LNX2: variants seen among roughly 807,000 people sequenced by gnomAD.
LNX2 encodes ligand of Numb protein X 2.
A neutral mutation model predicts 66.2 loss-of-function variants in LNX2; 35 were observed. The observed-to-expected ratio is 0.53, with a 90% CI of 0.40 to 0.70. The LOEUF is 0.70. Ranked by LOEUF, LNX2 falls within the 30% of genes least tolerant of loss-of-function variation. LNX2 has a pLI of 0.00. For synonymous variants in LNX2, 337 were observed against 315.6 expected (o/e 1.07, Z -0.72); for missense variants, 791 against 850.8 (o/e 0.93, Z 0.87).
chr13:27,598,670 G>A (rs1477960181), intron 1 of LNX2, among the ~76,000 whole-genome samples: 1 of 152,140 alleles, frequency 6.6e-6, no homozygotes, highest in Non-Finnish European at 1.5e-5. Context: ...TAAAGCTAGT[G>A]AGGGATGGAA....
At chr13:27,576,200 CAAAG>C (rs1955338525) in intron 2 of LNX2, among the ~76,000 whole-genome samples, 2 of 152,200 alleles carry the variant, frequency 1.3e-5, no homozygotes, top group African/African-American at 4.8e-5. Context: ...TAAAAAATGA[CAAAG>C]AGAGAAATAG....
chr13:27,603,643 T>C (rs1309284759), intron 1 of LNX2, among the ~76,000 whole-genome samples: 1 of 152,032 alleles, frequency 6.6e-6, no homozygotes, highest in African/African-American at 2.4e-5. Flanking sequence ...AGATAAACAG[T>C]TTCATGGTCA....
In LNX2 at chr13:27,593,654, G is replaced by A. The variant is rs551845729; in HGVS notation, c.-100-11851C>T. Among the ~76,000 whole-genome samples the A allele has an allele frequency of 4.9e-5, 7 of 142,160 alleles. No individual in the cohort carries two copies. In the South Asian group the frequency reaches 1.1e-3, roughly 23 times the overall value. 93.3% of individuals were successfully genotyped at this position (142,160 alleles called of 152,430 possible). ...GCAATCCTGGCTCACTGCAACCTCCGCCTCCTGGGTTCAAGCGATTCTCCT... is the reference window on the plus strand; with the variant it reads ...GCAATCCTGGCTCACTGCAACCTCCACCTCCTGGGTTCAAGCGATTCTCCT... On this transcript the variant is annotated intron_variant, in intron 1 of 9. Transcript: ENST00000316334.
At chr13:27,600,476 G>C (rs1955644991) in intron 1 of LNX2, among the ~76,000 whole-genome samples, 1 of 152,100 alleles carries the variant, frequency 6.6e-6, no homozygotes, top group South Asian at 2.1e-4. Flanking sequence ...ATATGGTACA[G>C]AAACATAACC....
chr13:27,609,245 C>T (rs833090), intron 1 of LNX2, among the ~76,000 whole-genome samples: 78,166 of 151,118 alleles, frequency 0.52, 21,447 homozygotes, highest in South Asian at 0.63. Flanking sequence ...CTCCGCCTCC[C>T]GGATTCAAGC....
intron 1 of LNX2, among the ~76,000 whole-genome samples, chr13:27,604,588 AT>A (rs1031582524): frequency 1.3e-5 from 2 of 152,130 alleles, no homozygotes; most frequent in African/African-American, 4.8e-5. Flanking sequence ...GGTAGAAGAG[AT>A]TACACACTTT....
intron 3 of LNX2, among the ~76,000 whole-genome samples, 157 bp downstream of exon 3, chr13:27,568,872 A>G (rs1182536718): frequency 6.6e-6 from 1 of 152,242 alleles, no homozygotes; most frequent in Non-Finnish European, 1.5e-5. Context: ...AAAAGGGTGA[A>G]TGATGTATAT....
chr13:27,574,619 A>G (rs537078387), intron 2 of LNX2, among the ~76,000 whole-genome samples: 1 of 152,286 alleles, frequency 6.6e-6, no homozygotes, highest in South Asian at 2.1e-4. Context: ...AAAAGGAGAG[A>G]GAGTGAAAGG....
chr13:27,573,611 G>GT (rs1485138780), intron 2 of LNX2, among the ~76,000 whole-genome samples: 6 of 150,874 alleles, frequency 4.0e-5, no homozygotes, highest in Non-Finnish European at 7.4e-5. Flanking sequence ...TGTCAGTGGC[G>GT]TGAGTGTTGA....
At chr13:27,565,518 C>T (rs1955193877) in intron 4 of LNX2, among the ~76,000 whole-genome samples, 1 of 152,138 alleles carries the variant, frequency 6.6e-6, no homozygotes, top group South Asian at 2.1e-4. Flanking sequence ...AAAATCAAGT[C>T]AGGAGCTAGG....
chr13:27,556,240 C>T lies in LNX2; in HGVS notation c.1542G>A (p.Lys514=). ...HGCLARDGRI[K]RGDVLLNING... is the part of the protein sequence containing the mutation. ...TTTTTCAAGATCCCATCTTACCTCT[C>T]TTTATTCTGCCATCTCGTGCAAGGC... Residue 514 remains lysine, a synonymous_variant, in exon 7 of 10, where the codon AAG becomes AAA. Transcript: ENST00000316334. The T allele has an allele frequency of 6.2e-7, 1 of 1,613,038 alleles. No homozygotes were observed.
chr13:27,619,337 GGGT>G (rs1195498626), intron 1 of LNX2, among the ~76,000 whole-genome samples: 1 of 151,650 alleles, frequency 6.6e-6, no homozygotes, highest in African/African-American at 2.4e-5. Context: ...AGAGGTGTGG[GGGT>G]GGGAATCAAA....
intron 6 of LNX2, 116 bp downstream of exon 6, chr13:27,559,726 T>TA (rs1226732069): frequency 1.2e-5 from 12 of 1,023,978 alleles, no homozygotes; most frequent in African/African-American, 1.7e-5. Flanking sequence ...ATCTTTTTTT[T>TA]AAAAAAACTG....
rs769170997 is a variant in LNX2 at position 27,567,802 on chromosome 13, G to T, written c.693C>A (p.Ile231=). 4 of 1,614,052 alleles carry T rather than the reference G, an allele frequency of 2.5e-6. No homozygotes were observed. The highest frequency in any genetic ancestry group is 3.4e-6 in the Non-Finnish European group (4 of 1,179,986). Residue 231 remains isoleucine (I), a synonymous_variant, in exon 4 of 10, where the codon ATC becomes ATA. Coordinates refer to ENST00000316334, the MANE Select transcript of LNX2 (RefSeq NM_153371.4). ...TGGACCGATGAATTTCAATCGTGGT[G>T]ATTTCTCCTTCTGGTAAACTAAGTG... ...QQPLSLPEGE[I]TTIEIHRSNP... is the part of the protein sequence containing the mutation.
chr13:27,615,067 C>A (rs1955812341), intron 1 of LNX2, among the ~76,000 whole-genome samples: 1 of 151,998 alleles, frequency 6.6e-6, no homozygotes, highest in South Asian at 2.1e-4. Context: ...TAGTTCAATT[C>A]AATTCTGACC....
intron 1 of LNX2, among the ~76,000 whole-genome samples, chr13:27,616,566 A>G (rs1333643862): frequency 2.6e-5 from 4 of 152,110 alleles, no homozygotes; most frequent in Non-Finnish European, 4.4e-5. Flanking sequence ...TTAGAATTTT[A>G]TTTTTGGTTT....
intron 4 of LNX2, among the ~76,000 whole-genome samples, chr13:27,566,738 T>C (rs1021658295): frequency 1.3e-5 from 2 of 152,172 alleles, no homozygotes; most frequent in Non-Finnish European, 2.9e-5. Flanking sequence ...CAACAGGTCA[T>C]GGTGAAGGAC....
intron 1 of LNX2, among the ~76,000 whole-genome samples, chr13:27,611,627 T>C (rs1955774027): frequency 6.6e-6 from 1 of 152,268 alleles, no homozygotes; most frequent in Non-Finnish European, 1.5e-5. Context: ...AATATTATTC[T>C]GTTAAATATT....
intron 1 of LNX2, among the ~76,000 whole-genome samples, chr13:27,604,238 T>C (rs1266545290): frequency 1.3e-5 from 2 of 152,164 alleles, no homozygotes; most frequent in Non-Finnish European, 2.9e-5. Flanking sequence ...AGAGCGAGAC[T>C]CCGTCTCAAA....
Sources: allele counts gnomAD v4.1 joint callset (sites outside exome capture counted in the v4.1 genomes callset), GRCh38; gene constraint gnomAD v4.1.1; transcripts MANE v1.5; gene names NCBI Gene and HGNC (gene_info 2026-07-23, HGNC 2026-07-21).